Variants in GNG8 observed in about 807,000 individuals in gnomAD.
GNG8 encodes the protein G protein subunit gamma 8, also known as guanine nucleotide-binding protein G(I)/G(S)/G(O) subunit gamma-8.
GNG8 carries 3 observed loss-of-function variants against 4.6 expected under a neutral mutation model. The ratio of observed to expected loss-of-function variants is 0.65; its 90% confidence interval spans 0.29 to 1.67. The LOEUF (loss-of-function observed/expected upper bound fraction) is 1.67, where lower values mean the gene tolerates loss of function less well. Ranked by LOEUF, GNG8 falls within the 40% of genes most tolerant of loss-of-function variation. GNG8 has a pLI of 0.10. For synonymous variants in GNG8, 32 were observed against 40.5 expected (o/e 0.79, Z 0.80); for missense variants, 88 against 95.2 (o/e 0.92, Z 0.32).
chr19:46,634,913 G>C (rs895817285), intron 1 of GNG8, among the ~76,000 whole-genome samples, 188 bp from the exon 2 acceptor site: 7 of 152,018 alleles, frequency 4.6e-5, no homozygotes, highest in Non-Finnish European at 1.0e-4. Context: ...AGCTAAGGCA[G>C]GTGGGGAGAG....
chr19:46,635,910 G>A (rs1001851255), intron 1 of GNG8, among the ~76,000 whole-genome samples: 1 of 151,052 alleles, frequency 6.6e-6, no homozygotes, highest in Non-Finnish European at 1.5e-5. Context: ...AACAGAGACG[G>A]GGAGATAGAG....
chr19:46,634,698 G>C lies in GNG8; in HGVS notation c.-16C>G, dbSNP rs1434539331. 6.2e-7 allele frequency: 1 copy of C among 1,611,190 alleles called. No homozygotes were observed. Among genetic ancestry groups the C allele is most frequent in the African/African-American group, 1.3e-5 (1 of 74,928 alleles). The stretch of plus-strand genomic sequence containing the variant: ...TGTTGGACATGGTTGCGGCGGGGAA[G>C]GGGTTAAAAGACGCGCGGGAGTGGG... On this transcript the variant is annotated 5_prime_UTR_variant, in exon 2 of 3. Coordinates refer to ENST00000693335, the MANE Select transcript of GNG8 (RefSeq NM_033258.2).
intron 1 of GNG8, among the ~76,000 whole-genome samples, chr19:46,635,096 T>G (rs926450599): frequency 6.6e-5 from 10 of 151,786 alleles, no homozygotes; most frequent in Admixed American, 2.6e-4. Flanking sequence ...CAGGGAGAAC[T>G]GGGAATTAAG....
Position 46,634,186 on chromosome 19 carries a change from C to A in GNG8, c.103G>T (p.Glu35Ter). The A allele has an allele frequency of 6.2e-7, 1 of 1,612,224 alleles. No individual in the cohort carries two copies. The highest frequency in any genetic ancestry group is 2.2e-5 in the East Asian group (1 of 44,814). ...TGCGTCTCGCAGAAAGCCAGGAGTTCCGCTGCTGCCTGCGACACCTGCGAG... is the reference window on the plus strand; with the variant it reads ...TGCGTCTCGCAGAAAGCCAGGAGTTACGCTGCTGCCTGCGACACCTGCGAG... ...DRMKVSQAAA[E>*]LLAFCETHAK... The change falls in exon 3 of 3, where the codon GAA (glutamate) becomes TAA (stop). Residue 35 changes from glutamate to a stop codon, truncating the protein, a stop_gained. Transcript: ENST00000693335. LOFTEE classifies it high-confidence loss of function.
At chr19:46,635,395 G>A (rs1313319584) in intron 1 of GNG8, among the ~76,000 whole-genome samples, 1 of 146,190 alleles carries the variant, frequency 6.8e-6, no homozygotes, top group African/African-American at 2.6e-5. Context: ...GAGAGGGAGA[G>A]ACTGGGGGAG....
chr19:46,636,605 G>T (rs114156558), upstream of GNG8, among the ~76,000 whole-genome samples: 1 of 152,094 alleles, frequency 6.6e-6, no homozygotes, highest in African/African-American at 2.4e-5. Context: ...CTGTCACACG[G>T]TAGCACCACA....
Position 46,633,961 on chromosome 19 carries a change from C to T in GNG8, c.*115G>A, listed in dbSNP as rs1428705624. On this transcript the variant is annotated 3_prime_UTR_variant, in exon 3 of 3. Coordinates refer to ENST00000693335, the MANE Select transcript of GNG8 (RefSeq NM_033258.2). ...ATGAGAACGGACACAGCTTCCCCTACGGTGGCCCCAAGCTCTGTGCGTGCC... is the reference window on the plus strand; with the variant it reads ...ATGAGAACGGACACAGCTTCCCCTATGGTGGCCCCAAGCTCTGTGCGTGCC... The T allele has an allele frequency of 4.0e-5, 49 of 1,235,328 alleles. No homozygotes were observed. Among genetic ancestry groups the T allele is most frequent in the Non-Finnish European group, 5.2e-5 (46 of 880,218 alleles). The allele number at this position is 1,235,328 out of a possible 1,614,324, so 76.5% of individuals were successfully genotyped here.
chr19:46,634,587 C>A lies in GNG8; in HGVS notation c.84+12G>T, dbSNP rs1253256554. 6.2e-7 allele frequency: 1 copy of A among 1,611,480 alleles called. No homozygotes were observed. The highest frequency in any genetic ancestry group is 1.1e-5 in the South Asian group (1 of 90,960). ...CAGAACCCCCGCCCTATTCCCCACCCCGACCCAGCACCTTCATGCGGTCGA... is the reference window on the plus strand; with the variant it reads ...CAGAACCCCCGCCCTATTCCCCACCACGACCCAGCACCTTCATGCGGTCGA... On this transcript the variant is annotated intron_variant, in intron 2 of 2. Coordinates refer to ENST00000693335, the MANE Select transcript of GNG8 (RefSeq NM_033258.2).
At chr19:46,636,573 C>G (rs115335387), upstream of GNG8, among the ~76,000 whole-genome samples, 1 of 152,334 alleles carries the variant, frequency 6.6e-6, no homozygotes, top group African/African-American at 2.4e-5. Flanking sequence ...CTGTCCCTCA[C>G]ACAGACAAAA....
chr19:46,634,527 G>T, intron 2 of GNG8, 72 bp downstream of exon 2: 2 of 1,384,386 alleles, frequency 1.4e-6, no homozygotes, highest in African/African-American at 1.4e-5. Context: ...ATGGCTCCGA[G>T]CCGGGCCGAC....
In GNG8 at chr19:46,634,624, A is replaced by G. The variant is rs1422708087; in HGVS notation, c.59T>C (p.Leu20Pro). 3 of 1,612,462 alleles carry G rather than the reference A, an allele frequency of 1.9e-6. No individual in the cohort carries two copies. Residue 20 changes from leucine (L) to proline (P), a missense_variant, in exon 2 of 3, where the codon CTG (leucine) becomes CCG (proline). Physicochemically the swap from Leu to Pro is moderately conservative, Grantham distance 98. Coordinates refer to ENST00000693335, the MANE Select transcript of GNG8 (RefSeq NM_033258.2). The stretch of plus-strand genomic sequence containing the variant: ...CTTCATGCGGTCGATGTTCACCTCC[A>G]GCTTCAGCTGTTCCACCGTCTTGCG... ...EARKTVEQLK[L>P]EVNIDRMKVS...
chr19:46,634,328 T>G, intron 2 of GNG8, 124 bp from the exon 3 acceptor site: 1 of 1,129,788 alleles, frequency 8.9e-7, no homozygotes, highest in Non-Finnish European at 1.2e-6. Context: ...CCTTTCCCCT[T>G]GTCTTACTCC....
In GNG8 at chr19:46,634,176, G is replaced by A. The variant is rs748568360; in HGVS notation, c.113C>T (p.Ala38Val). The change falls in exon 3 of 3, where the codon GCT (alanine) becomes GTT (valine). Residue 38 changes from alanine to valine, a missense_variant. Coordinates refer to ENST00000693335, the MANE Select transcript of GNG8 (RefSeq NM_033258.2). ...KVSQAAAELL[A>V]FCETHAKDDP... is the part of the protein sequence containing the mutation. ...ATCTTTGGCATGCGTCTCGCAGAAA[G>A]CCAGGAGTTCCGCTGCTGCCTGCGA... The A allele has an allele frequency of 1.9e-6, 3 of 1,613,134 alleles. No individual in the cohort carries two copies. In the South Asian group the frequency reaches 3.3e-5, roughly 18 times the overall value.
rs1431766723 is a variant in GNG8 at position 46,634,348 on chromosome 19, T to C, written c.85-144A>G. The C allele has an allele frequency of 3.1e-5, 28 of 890,230 alleles. No individual in the cohort carries two copies. The East Asian group carries it at 8.9e-4, about 28-fold the overall frequency. 55.1% of individuals were successfully genotyped at this position (890,230 alleles called of 1,614,324 possible). On this transcript the variant is annotated intron_variant, in intron 2 of 2. Coordinates refer to ENST00000693335, the MANE Select transcript of GNG8 (RefSeq NM_033258.2). ...CCCCTTGTCTTACTCCGCCCCCTCG[T>C]CCTGGCCCCTCCCCTGTCCTACCCC...
At chr19:46,638,787 G>A (rs2052884146), upstream of GNG8, 2 of 152,784 alleles carry the variant, frequency 1.3e-5, no homozygotes, top group African/African-American at 2.4e-5. The surrounding 1 kb of genome is among the most constrained non-coding windows in gnomAD (Gnocchi z 4.7). Flanking sequence ...GGAGGAGGTG[G>A]CCACAGGGAG....
At chr19:46,635,821 G>A (rs1275673613) in intron 1 of GNG8, among the ~76,000 whole-genome samples, 1 of 110,010 alleles carries the variant, frequency 9.1e-6, no homozygotes, top group Non-Finnish European at 1.9e-5. Flanking sequence ...GGGTGATGGA[G>A]GGAGGGACGA....
intron 1 of GNG8, among the ~76,000 whole-genome samples, chr19:46,634,965 G>A (rs1011510580): frequency 1.3e-5 from 2 of 152,068 alleles, no homozygotes; most frequent in African/African-American, 4.8e-5. Context: ...CGCACAGATG[G>A]GAGGCTGAGA....
At chr19:46,634,986 G>A (rs888516418) in intron 1 of GNG8, among the ~76,000 whole-genome samples, 1 of 152,068 alleles carries the variant, frequency 6.6e-6, no homozygotes, top group African/African-American at 2.4e-5. Flanking sequence ...CAGAAGGACA[G>A]GGCCACAGGT....
chr19:46,637,608 G>GTC (rs377311699), upstream of GNG8: 55 of 152,448 alleles, frequency 3.6e-4, no homozygotes, highest in African/African-American at 8.9e-4. Flanking sequence ...TTGAGACAAG[G>GTC]TCTCTCTCTC....
Sources: allele counts gnomAD v4.1 joint callset (sites outside exome capture counted in the v4.1 genomes callset), GRCh38; gene constraint gnomAD v4.1.1; non-coding constraint Gnocchi (gnomAD v3.1); transcripts MANE v1.5; gene names NCBI Gene and HGNC (gene_info 2026-07-23, HGNC 2026-07-21).